The following ASXL3 variants were observed in gnomAD, a reference collection of about 807,000 sequenced individuals.
ASXL3 encodes the protein putative Polycomb group protein ASXL3.
In ASXL3, 34 loss-of-function variants were observed where a neutral mutation model predicts 170.6. The observed-to-expected ratio is 0.20, with a 90% CI of 0.15 to 0.27. The LOEUF (loss-of-function observed/expected upper bound fraction) is 0.27. Among genes scored for constraint, ASXL3 ranks in the 10% least tolerant of loss-of-function variants. ASXL3 has a pLI of 1.00. For synonymous variants in ASXL3, 1,002 were observed against 989.1 expected, an observed-to-expected ratio of 1.01 and a Z score of -0.24; for missense variants, 2,592 against 2,695.3, an observed-to-expected ratio of 0.96 and a Z score of 0.85.
At chr18:33,680,846 A>G (rs1012381298) in intron 7 of ASXL3, among the ~76,000 whole-genome samples, 103 of 151,850 alleles carry the variant, frequency 6.8e-4, no homozygotes, top group African/African-American at 2.4e-3. Flanking sequence ...TTCTTTCCAT[A>G]TAATTTTTAT....
chr18:33,636,180 T>C (rs2065760476), intron 2 of ASXL3, among the ~76,000 whole-genome samples: 1 of 152,058 alleles, frequency 6.6e-6, no homozygotes. Flanking sequence ...TGGATTGGAT[T>C]ATAGGAGAGT....
intron 8 of ASXL3, among the ~76,000 whole-genome samples, chr18:33,696,467 C>G (rs923090473): frequency 6.6e-6 from 1 of 152,026 alleles, no homozygotes; most frequent in African/African-American, 2.4e-5. Context: ...AGGGGAAGAA[C>G]GCCATCCAGA....
chr18:33,746,233 G>A lies in ASXL3; in HGVS notation c.6385G>A (p.Glu2129Lys). ...SADFSSYLLS[E>K]PQKPFTQLAA... Reference sequence around the variant, plus strand: ...AGATTTCTCTTCCTATTTGCTTTCTGAGCCACAAAAGCCTTTTACCCAATT... The same window carrying A: ...AGATTTCTCTTCCTATTTGCTTTCTAAGCCACAAAAGCCTTTTACCCAATT... The change falls in exon 12 of 12, where the codon GAG becomes AAG. Residue 2129 changes from glutamate (E) to lysine (K), a missense_variant. Transcript: ENST00000269197. The A allele has an allele frequency of 6.2e-7, 1 of 1,613,884 alleles. No homozygotes were observed. Among genetic ancestry groups the A allele is most frequent in the Non-Finnish European group, 8.5e-7 (1 of 1,179,878 alleles).
At chr18:33,641,871 T>C (rs758737819) in intron 2 of ASXL3, 62 of 152,652 alleles carry the variant, frequency 4.1e-4, no homozygotes, top group African/African-American at 1.5e-3. Context: ...AACTTGGATG[T>C]TTTATTATTT....
At chr18:33,631,655 A>AC (rs2065679231) in intron 2 of ASXL3, among the ~76,000 whole-genome samples, 1 of 152,122 alleles carries the variant, frequency 6.6e-6, no homozygotes, top group South Asian at 2.1e-4. Flanking sequence ...TTCGCTGCTG[A>AC]TATCAGCGAC....
At chr18:33,710,771 C>T (rs547330287) in intron 8 of ASXL3, among the ~76,000 whole-genome samples, 29 of 152,248 alleles carry the variant, frequency 1.9e-4, no homozygotes, top group Admixed American at 3.3e-4. Context: ...CAGAAGTGTA[C>T]ATCAAGCTAT....
At chr18:33,615,190 G>A (rs943962704) in intron 2 of ASXL3, among the ~76,000 whole-genome samples, 1 of 152,106 alleles carries the variant, frequency 6.6e-6, no homozygotes, top group African/African-American at 2.4e-5. Flanking sequence ...TGATCTTAGC[G>A]AGATATTTTG....
intron 2 of ASXL3, among the ~76,000 whole-genome samples, chr18:33,633,517 A>G (rs1437844187): frequency 6.6e-6 from 1 of 152,088 alleles, no homozygotes; most frequent in Non-Finnish European, 1.5e-5. Flanking sequence ...CATCTTATCA[A>G]TTTTCCACTA....
intron 1 of ASXL3, among the ~76,000 whole-genome samples, chr18:33,581,770 C>T (rs891355803): frequency 6.6e-6 from 1 of 152,102 alleles, no homozygotes; most frequent in African/African-American, 2.4e-5. Flanking sequence ...ATGCAGCTAT[C>T]AAGCTGTATC....
At chr18:33,590,625 T>C (rs1011454075) in intron 1 of ASXL3, among the ~76,000 whole-genome samples, 1 of 152,190 alleles carries the variant, frequency 6.6e-6, no homozygotes, top group Non-Finnish European at 1.5e-5. Flanking sequence ...CATTCATTAC[T>C]TCTGTTATTA....
At chr18:33,615,870 A>G (rs1356602090) in intron 2 of ASXL3, among the ~76,000 whole-genome samples, 2 of 152,112 alleles carry the variant, frequency 1.3e-5, no homozygotes, top group Non-Finnish European at 2.9e-5. Flanking sequence ...TAAAATTTTG[A>G]ATTTCTAATC....
intron 2 of ASXL3, among the ~76,000 whole-genome samples, chr18:33,627,781 A>G (rs2065623648): frequency 6.6e-6 from 1 of 152,130 alleles, no homozygotes; most frequent in African/African-American, 2.4e-5. Context: ...ATGCATTTTA[A>G]ATTTTTACAA....
In ASXL3 at chr18:33,684,152, A is replaced by G. The variant is rs531270987; in HGVS notation, c.879+584A>G. ...TATAGACCCATAATGGCAGCCATCA[A>G]TCATCTTTTAAAGCTGTTTGCTTAG... On this transcript the variant is annotated intron_variant, in intron 8 of 11. Transcript: ENST00000269197. Among the ~76,000 whole-genome samples the G allele has an allele frequency of 1.1e-4, 17 of 152,288 alleles. 1 individual carries two copies. The South Asian group carries it at 3.5e-3, about 32-fold the overall frequency.
intron 2 of ASXL3, among the ~76,000 whole-genome samples, chr18:33,610,046 T>G (rs1479241941): frequency 6.6e-6 from 1 of 152,030 alleles, no homozygotes; most frequent in African/African-American, 2.4e-5. Context: ...ACCTAGCTTT[T>G]GAGTAAGTTT....
intron 2 of ASXL3, among the ~76,000 whole-genome samples, chr18:33,621,463 C>T (rs747786669): frequency 6.6e-6 from 1 of 152,140 alleles, no homozygotes; most frequent in Non-Finnish European, 1.5e-5. Context: ...TTTGCACCTA[C>T]CTAATAGTAA....
chr18:33,593,722 T>A (rs1275452216), intron 1 of ASXL3, among the ~76,000 whole-genome samples: 1 of 152,190 alleles, frequency 6.6e-6, no homozygotes, highest in Non-Finnish European at 1.5e-5. Flanking sequence ...AATACACAGT[T>A]GCTTACATAT....
chr18:33,687,053 G>T (rs1220467307), intron 8 of ASXL3, among the ~76,000 whole-genome samples: 1 of 152,134 alleles, frequency 6.6e-6, no homozygotes, highest in Non-Finnish European at 1.5e-5. Context: ...TTTCTACCCA[G>T]GATGAATAGG....
intron 3 of ASXL3, among the ~76,000 whole-genome samples, chr18:33,645,338 T>G (rs2065901900): frequency 6.6e-6 from 1 of 151,944 alleles, no homozygotes; most frequent in Non-Finnish European, 1.5e-5. Context: ...TTTGACTTAA[T>G]GACCGTCAGT....
chr18:33,673,715 T>G (rs990585417), intron 7 of ASXL3, among the ~76,000 whole-genome samples: 2 of 152,100 alleles, frequency 1.3e-5, no homozygotes, highest in Non-Finnish European at 2.9e-5. Flanking sequence ...CTCAATGAAT[T>G]AGAGAATCAG....
Sources: allele counts gnomAD v4.1 joint callset (sites outside exome capture counted in the v4.1 genomes callset), GRCh38; gene constraint gnomAD v4.1.1; transcripts MANE v1.5; gene names NCBI Gene and HGNC (gene_info 2026-07-23, HGNC 2026-07-21).